EIF4G3: variants seen among roughly 807,000 people sequenced by gnomAD.
EIF4G3 encodes eIF-4-gamma 3.
Under a neutral mutation model 186.4 loss-of-function variants are expected in EIF4G3, and 34 were observed. The observed-to-expected ratio is 0.18, with a 90% CI of 0.14 to 0.24. EIF4G3 has a LOEUF of 0.24. Ranked by LOEUF, EIF4G3 falls within the 10% of genes least tolerant of loss-of-function variation. The probability of loss-of-function intolerance (pLI) is 1.00; values close to 1 mark genes in which losing one functional copy is unlikely to be tolerated. For missense variants in EIF4G3, 1,536 were observed against 1,948.5 expected, an observed-to-expected ratio of 0.79 and a Z score of 3.99; for synonymous variants, 673 against 679.5, an observed-to-expected ratio of 0.99 and a Z score of 0.15.
At chr1:20,941,444 T>G in intron 14 of EIF4G3, 47 bp downstream of exon 14, 1 of 1,608,308 alleles carries the variant, frequency 6.2e-7, no homozygotes, top group South Asian at 1.1e-5. Context: ...AAACACTGCC[T>G]CTTCTTCATG....
At chr1:20,942,364 C>T (rs751744531) in intron 13 of EIF4G3, 34 bp from the exon 14 acceptor site, 1 of 1,527,834 alleles carries the variant, frequency 6.5e-7, no homozygotes, top group East Asian at 2.3e-5. Flanking sequence ...AAGAATAATT[C>T]TTGGATCAGA....
At chr1:20,826,726 G>C (rs565126102) in intron 32 of EIF4G3, among the ~76,000 whole-genome samples, 1 of 151,908 alleles carries the variant, frequency 6.6e-6, no homozygotes. Context: ...TTAACCTCGT[G>C]ATCTGCCCAC....
intron 3 of EIF4G3, among the ~76,000 whole-genome samples, chr1:21,061,485 A>G (rs1208980407): frequency 6.6e-6 from 1 of 152,204 alleles, no homozygotes; most frequent in Non-Finnish European, 1.5e-5. Context: ...GAATACATGA[A>G]TCTAAGCTCA....
intron 3 of EIF4G3, among the ~76,000 whole-genome samples, chr1:21,053,694 C>T (rs2094413918): frequency 6.8e-6 from 1 of 146,730 alleles, no homozygotes; most frequent in Non-Finnish European, 1.5e-5. Flanking sequence ...CTCTGCCCAG[C>T]CAGCCGCCCC....
chr1:20,846,673 T>A (rs950142621), intron 29 of EIF4G3, among the ~76,000 whole-genome samples: 1 of 152,202 alleles, frequency 6.6e-6, no homozygotes, highest in Admixed American at 6.5e-5. Context: ...AAATATGGTA[T>A]ACCCAGTCAT....
intron 2 of EIF4G3, among the ~76,000 whole-genome samples, chr1:21,152,046 C>T (rs1010005511): frequency 6.6e-6 from 1 of 152,132 alleles, no homozygotes; most frequent in African/African-American, 2.4e-5. Flanking sequence ...TGAGGTCTAG[C>T]TTCAGACTGG....
intron 4 of EIF4G3, among the ~76,000 whole-genome samples, chr1:21,035,084 G>A (rs1345233482): frequency 6.6e-6 from 1 of 152,082 alleles, no homozygotes; most frequent in Non-Finnish European, 1.5e-5. Flanking sequence ...TAGGACCCCT[G>A]TGCCCATGTC....
At chr1:20,983,253 G>C (rs561055466) in intron 7 of EIF4G3, among the ~76,000 whole-genome samples, 1 of 152,144 alleles carries the variant, frequency 6.6e-6, no homozygotes, top group African/African-American at 2.4e-5. Flanking sequence ...GCAGGAGAAC[G>C]GAATAAATGG....
intron 7 of EIF4G3, among the ~76,000 whole-genome samples, chr1:20,993,547 A>G (rs905470715): frequency 6.6e-6 from 1 of 152,198 alleles, no homozygotes; most frequent in Non-Finnish European, 1.5e-5. Context: ...AGCATCAACA[A>G]AAAGTTACTA....
chr1:20,994,961 T>C (rs1025226797), intron 7 of EIF4G3, among the ~76,000 whole-genome samples: 2 of 152,114 alleles, frequency 1.3e-5, no homozygotes, highest in African/African-American at 4.8e-5. Context: ...TTTAAAATAA[T>C]CAAAACTAGC....
intron 30 of EIF4G3, among the ~76,000 whole-genome samples, chr1:20,833,405 C>T (rs1453800914): frequency 6.6e-6 from 1 of 152,020 alleles, no homozygotes; most frequent in Non-Finnish European, 1.5e-5. Flanking sequence ...TGATTTGGCT[C>T]TCTGTCTGTT....
At chr1:20,933,214 T>C (rs2095395755) in intron 14 of EIF4G3, among the ~76,000 whole-genome samples, 1 of 152,154 alleles carries the variant, frequency 6.6e-6, no homozygotes, top group Admixed American at 6.5e-5. Flanking sequence ...TTTTAAAAGA[T>C]GATTTCGGCC....
At position 20,942,055 on chromosome 1, in the gene EIF4G3, T is replaced by G; in HGVS notation, c.1099A>C (p.Ile367Leu). Residue 367 changes from isoleucine to leucine, a missense_variant, in exon 14 of 37, where the codon ATT (isoleucine) becomes CTT (leucine). By Grantham distance (5) the Ile-to-Leu change is conservative (BLOSUM62 2). This residue lies in a region of EIF4G3 where 560 missense variants were observed against 547.8 expected (regional missense o/e 1.02). Transcript: ENST00000602326. ...CELSSPREDT[I>L]PIPSLTSCTE... The stretch of plus-strand genomic sequence containing the variant: ...CAAGATGTGAGGCTGGGTATAGGAA[T>G]TGTGTCTTCTCTTGGGGATGAGAGT... 1 of 1,614,198 alleles carries G rather than the reference T, an allele frequency of 6.2e-7. No homozygotes were observed.
intron 2 of EIF4G3, among the ~76,000 whole-genome samples, chr1:21,093,144 A>G (rs2096255904): frequency 1.3e-5 from 2 of 152,208 alleles, no homozygotes; most frequent in South Asian, 4.1e-4. Flanking sequence ...AAAAGAAACT[A>G]CCATCAGAGT....
At chr1:20,918,459 T>C (rs1014479885) in intron 14 of EIF4G3, among the ~76,000 whole-genome samples, 5 of 151,932 alleles carry the variant, frequency 3.3e-5, no homozygotes, top group South Asian at 4.1e-4. Flanking sequence ...CCTTCCGTCA[T>C]AGCCTCCCAA....
chr1:21,152,873 G>C (rs1393479860), intron 2 of EIF4G3, among the ~76,000 whole-genome samples: 2 of 152,152 alleles, frequency 1.3e-5, no homozygotes, highest in African/African-American at 4.8e-5. Context: ...TGTCATCCTA[G>C]CAACTCAAGA....
At chr1:21,104,178 A>C (rs1399338925) in intron 2 of EIF4G3, among the ~76,000 whole-genome samples, 1 of 152,176 alleles carries the variant, frequency 6.6e-6, no homozygotes, top group Non-Finnish European at 1.5e-5. Flanking sequence ...AAGTAATATG[A>C]TATGATCATG....
chr1:20,855,485 T>C (rs1407018462), intron 25 of EIF4G3, among the ~76,000 whole-genome samples: 1 of 152,200 alleles, frequency 6.6e-6, no homozygotes, highest in Non-Finnish European at 1.5e-5. Flanking sequence ...GACATAAAAA[T>C]TTCATGTTGG....
At chr1:21,108,277 T>C (rs1307372414) in intron 2 of EIF4G3, among the ~76,000 whole-genome samples, 2 of 152,226 alleles carry the variant, frequency 1.3e-5, no homozygotes, top group East Asian at 1.9e-4. Flanking sequence ...GCTAGGTATA[T>C]AAAACAGATG....
Sources: allele counts gnomAD v4.1 joint callset (sites outside exome capture counted in the v4.1 genomes callset), GRCh38; gene constraint gnomAD v4.1.1; regional missense constraint gnomAD v4.1.1; transcripts MANE v1.5; gene names NCBI Gene and HGNC (gene_info 2026-07-23, HGNC 2026-07-21).